Variants in CCDC88B observed in about 807,000 individuals in gnomAD.
CCDC88B encodes the protein coiled-coil and HOOK domain protein 88B.
A neutral mutation model predicts 183.7 loss-of-function variants in CCDC88B; 138 were observed. The ratio of observed to expected loss-of-function variants is 0.75; its 90% confidence interval spans 0.65 to 0.87. The LOEUF is 0.87. Ranked by LOEUF, CCDC88B falls within the 40% of genes least tolerant of loss-of-function variation. CCDC88B has a pLI of 0.00. For synonymous variants in CCDC88B, 835 were observed against 867.5 expected (o/e 0.96, Z 0.66); for missense variants, 1,822 against 1,965.6 (o/e 0.93, Z 1.38).
At position 64,354,091 on chromosome 11, in the gene CCDC88B, C is replaced by T. The variant is rs760282777; in HGVS notation, c.4020C>T (p.Ala1340=). The T allele has an allele frequency of 1.3e-5, 18 of 1,415,198 alleles. No individual in the cohort carries two copies. Among genetic ancestry groups the T allele is most frequent in the South Asian group, 1.1e-4 (6 of 56,446 alleles). 87.7% of individuals were successfully genotyped at this position (1,415,198 alleles called of 1,614,324 possible). ...CCCCTGGGGGGCTGCGCCTGGGGGCCGATGGGGCTGGCAGCACCGAGAGCC... is the reference window on the plus strand; with the variant it reads ...CCCCTGGGGGGCTGCGCCTGGGGGCTGATGGGGCTGGCAGCACCGAGAGCC... ...GGPPGGLRLG[A]DGAGSTESLG... is the part of the protein sequence containing the mutation. Residue 1340 remains alanine (A), a synonymous_variant, in exon 24 of 27, where the codon GCC becomes GCT. Coordinates refer to ENST00000356786, the MANE Select transcript of CCDC88B (RefSeq NM_032251.6).
chr11:64,353,236 G>A lies in CCDC88B; in HGVS notation c.3683G>A (p.Cys1228Tyr), dbSNP rs779334529. 6 of 1,565,136 alleles carry A rather than the reference G, an allele frequency of 3.8e-6. No individual in the cohort carries two copies. In the South Asian group the frequency reaches 7.1e-5, roughly 18 times the overall value. The change falls in exon 21 of 27, where the codon TGT becomes TAT. Residue 1228 changes from cysteine to tyrosine, a missense_variant. Physicochemically the swap from Cys to Tyr is radical, Grantham distance 194. Transcript: ENST00000356786. ...DLSACRLTTQ[C>Y]ELLTQLRSAQ... ...AGCGCCTGCCGGCTGACCACGCAGT[G>A]TGAGGTGTGGCTGGAGGGCCGGTGG... is the stretch of plus-strand genomic sequence containing the variant.
At chr11:64,350,069 G>A in intron 16 of CCDC88B, 1 of 279,112 alleles carries the variant, frequency 3.6e-6, no homozygotes, top group East Asian at 7.6e-5. Flanking sequence ...TCCTCAGGGA[G>A]CTCACAGGAC....
rs1050745804 is a variant in CCDC88B at position 64,353,574 on chromosome 11, T to G, written c.3833+78T>G. ...CTGGGGAGAGCCCTTAGTGAGGGCC[T>G]AGGGACAGGGTTGGAGCTGACCTTC... On this transcript the variant is annotated intron_variant, in intron 22 of 26. Transcript: ENST00000356786. 3.8e-6 allele frequency: 6 copies of G among 1,579,910 alleles called. No homozygotes were observed. In the African/African-American group the frequency reaches 6.7e-5, roughly 18 times the overall value.
rs1290049583 is a variant in CCDC88B, at chr11:64,340,338, G to A, written c.60+12G>A. ...GTCTGGCTACCTGGGTGAGGGGGCA[G>A]GTGGCAGCGGGTTGGGGAGGGGAAG... On this transcript the variant is annotated intron_variant, in intron 1 of 26. Transcript: ENST00000356786. 3.8e-6 allele frequency: 5 copies of A among 1,299,346 alleles called. No homozygotes were observed. Among genetic ancestry groups the A allele is most frequent in the Non-Finnish European group, 4.9e-6 (5 of 1,014,584 alleles). The allele number at this position is 1,299,346 out of a possible 1,614,324, so 80.5% of individuals were successfully genotyped here.
At chr11:64,342,400 C>A (rs1296238419) in intron 9 of CCDC88B, 25 bp downstream of exon 9, 3 of 1,558,464 alleles carry the variant, frequency 1.9e-6, no homozygotes, top group Non-Finnish European at 2.6e-6. Context: ...TCCCCGCCAC[C>A]GCGGCATTCC....
intron 8 of CCDC88B, 35 bp from the exon 9 acceptor site, chr11:64,342,259 C>G (rs748579868): frequency 6.4e-6 from 10 of 1,571,862 alleles, no homozygotes; most frequent in Non-Finnish European, 8.6e-6. Flanking sequence ...GGGTTGTGGG[C>G]CCCCAGACCC....
chr11:64,349,837 G>A (rs905854127), intron 16 of CCDC88B, 169 bp downstream of exon 16: 1 of 650,344 alleles, frequency 1.5e-6, no homozygotes, highest in Middle Eastern at 3.1e-4. Flanking sequence ...TGGGAGTCAG[G>A]TGGCCGTGTT....
chr11:64,353,334 T>C lies in CCDC88B; in HGVS notation c.3688-17T>C, dbSNP rs2036417147. 1.2e-6 allele frequency: 2 copies of C among 1,611,922 alleles called. No homozygotes were observed. The highest frequency in any genetic ancestry group is 1.7e-6 in the Non-Finnish European group (2 of 1,179,242). The stretch of plus-strand genomic sequence containing the variant: ...GAGCTGGGTCCCACCCTCCGAGCCA[T>C]GGTGCCCCCCTGCCAGCTATTGACA... On this transcript the variant is annotated splice_polypyrimidine_tract_variant and intron_variant, in intron 21 of 26. Transcript: ENST00000356786.
In CCDC88B at chr11:64,352,950, G is replaced by C. The variant is rs535506192; in HGVS notation, c.3500+63G>C. On this transcript the variant is annotated intron_variant, in intron 20 of 26. Transcript: ENST00000356786. ...GCCCCATCCTGAAAGTGGGTTGGGG[G>C]TGTGGGGTCCTGTCTGGCCTCCCCT... The C allele has an allele frequency of 2.4e-5, 37 of 1,513,218 alleles. No individual in the cohort carries two copies. In the South Asian group the frequency reaches 4.6e-4, roughly 19 times the overall value. The allele number at this position is 1,513,218 out of a possible 1,614,324, so 93.7% of individuals were successfully genotyped here. A position where few individuals can be genotyped will look rare whatever the true frequency, so the allele number is the denominator to read the frequency against.
chr11:64,354,253 C>A, intron 24 of CCDC88B, 83 bp downstream of exon 24: 1 of 1,196,896 alleles, frequency 8.4e-7, no homozygotes, highest in Non-Finnish European at 1.1e-6. Flanking sequence ...CACTGCCTGG[C>A]CTGCATGCGT....
chr11:64,348,792 G>C lies in CCDC88B; in HGVS notation c.2617-539G>C. The C allele has an allele frequency of 5.3e-6, 3 of 567,868 alleles. No individual in the cohort carries two copies. The East Asian group carries it at 8.9e-5, about 17-fold the overall frequency. 35.2% of individuals were successfully genotyped at this position (567,868 alleles called of 1,614,324 possible). On this transcript the variant is annotated intron_variant, in intron 14 of 26. Transcript: ENST00000356786. ...AATGGGCCTCCCGTCTCCTTCCAAA[G>C]TGGTGCAGCCCAACCGCCAAAGGCC...
chr11:64,343,624 C>A lies in CCDC88B; in HGVS notation c.1318+9C>A. On this transcript the variant is annotated intron_variant, in intron 12 of 26. Coordinates refer to ENST00000356786, the MANE Select transcript of CCDC88B (RefSeq NM_032251.6). ...AGGATCCCCTGGGGAGGGTGAGGGA[C>A]CCCACTGGAAGGGCTGGGGTGGGGG... 6.4e-7 allele frequency: 1 copy of A among 1,550,930 alleles called. No homozygotes were observed. Among genetic ancestry groups the A allele is most frequent in the South Asian group, 1.2e-5 (1 of 84,050 alleles).
chr11:64,349,223 GC>G, intron 14 of CCDC88B, 107 bp from the exon 15 acceptor site: 1 of 1,303,358 alleles, frequency 7.7e-7, no homozygotes, highest in Non-Finnish European at 1.0e-6. Context: ...AATGATACGT[GC>G]CCAGGATGGC....
rs2036024702 is a variant in CCDC88B, at chr11:64,344,576, G to A, written c.2035G>A (p.Ala679Thr). ...GGACCTGGCCACGGGACAAGCAGAG[G>A]CCAGAGAGCATGACCAGAGGCTGGA... is the stretch of plus-strand genomic sequence containing the variant. ...GLDLATGQAE[A>T]REHDQRLEGT... Residue 679 changes from alanine to threonine, a missense_variant, in exon 14 of 27, where the codon GCC becomes ACC. Ala to Thr is a moderately conservative substitution (Grantham distance 58). Coordinates refer to ENST00000356786, the MANE Select transcript of CCDC88B (RefSeq NM_032251.6). This position sits in a 1 kb window ranked among gnomAD's most constrained non-coding sequence, Gnocchi z 4.5. 6.2e-7 allele frequency: 1 copy of A among 1,608,042 alleles called. No individual in the cohort carries two copies. Among genetic ancestry groups the A allele is most frequent in the Non-Finnish European group, 8.5e-7 (1 of 1,177,258 alleles).
Position 64,353,771 on chromosome 11 carries a change from A to T in CCDC88B, c.3890A>T (p.Asp1297Val), listed in dbSNP as rs1298206042. ...CAGAAGCTCGTGGAGAAGATCATGGACCAATACCGCGTGCTGGAGCCTGTG... is the reference window on the plus strand; with the variant it reads ...CAGAAGCTCGTGGAGAAGATCATGGTCCAATACCGCGTGCTGGAGCCTGTG... ...EKQKLVEKIMDQYRVLEPVPL... is the reference protein window; with the variant it reads ...EKQKLVEKIMVQYRVLEPVPL... Residue 1297 changes from aspartate (D) to valine (V), a missense_variant, in exon 23 of 27, where the codon GAC (aspartate) becomes GTC (valine). Transcript: ENST00000356786. The T allele has an allele frequency of 6.2e-7, 1 of 1,613,964 alleles. No individual in the cohort carries two copies. Among genetic ancestry groups the T allele is most frequent in the Admixed American group, 1.7e-5 (1 of 60,010 alleles).
chr11:64,352,219 C>T lies in CCDC88B; in HGVS notation c.3189C>T (p.Ser1063=). ...AGGAGGTGCGGGCGGCACGGCAGTC[C>T]CAGGAGGAGACCCGCGGGCAGCAGC... ...LEEEVRAARQ[S]QEETRGQQQA... Residue 1063 remains serine, a synonymous_variant, in exon 19 of 27, where the codon TCC becomes TCT. Coordinates refer to ENST00000356786, the MANE Select transcript of CCDC88B (RefSeq NM_032251.6). 1 of 1,609,630 alleles carries T rather than the reference C, an allele frequency of 6.2e-7. No homozygotes were observed. The highest frequency in any genetic ancestry group is 1.1e-5 in the South Asian group (1 of 90,554).
In CCDC88B at chr11:64,353,213, C is replaced by G. The variant is rs767261247; in HGVS notation, c.3660C>G (p.Ser1220Arg). ...LRESNQQLDL[S>R]ACRLTTQCEL... ...AGTCCAACCAGCAGCTGGACCTGAG[C>G]GCCTGCCGGCTGACCACGCAGTGTG... Residue 1220 changes from serine to arginine, a missense_variant, in exon 21 of 27, where the codon AGC (serine) becomes AGG (arginine). Coordinates refer to ENST00000356786, the MANE Select transcript of CCDC88B (RefSeq NM_032251.6). 2 of 1,567,314 alleles carry G rather than the reference C, an allele frequency of 1.3e-6. No homozygotes were observed. The highest frequency in any genetic ancestry group is 1.7e-6 in the Non-Finnish European group (2 of 1,155,778).
At chr11:64,351,656 G>A in intron 18 of CCDC88B, 40 bp downstream of exon 18, 1 of 1,511,530 alleles carries the variant, frequency 6.6e-7, no homozygotes, top group Non-Finnish European at 8.8e-7. Flanking sequence ...CCCATGTACT[G>A]CCCCCTCCTG....
At chr11:64,352,413 T>C in intron 19 of CCDC88B, 27 bp downstream of exon 19, 3 of 1,505,824 alleles carry the variant, frequency 2.0e-6, no homozygotes, top group Non-Finnish European at 1.8e-6. Context: ...GCCCAGCTCC[T>C]CCCCTGGCAC....
Sources: allele counts gnomAD v4.1 joint callset, GRCh38; gene constraint gnomAD v4.1.1; non-coding constraint Gnocchi (gnomAD v3.1); transcripts MANE v1.5; gene names NCBI Gene and HGNC (gene_info 2026-07-23, HGNC 2026-07-21).